RERE: variants seen among roughly 807,000 people sequenced by gnomAD.
RERE encodes the protein arginine-glutamic acid dipeptide repeats protein.
RERE carries 40 observed loss-of-function variants against 146.1 expected under a neutral mutation model. The observed-to-expected ratio is 0.27, with a 90% CI of 0.21 to 0.36. The LOEUF is 0.36. Among genes scored for constraint, RERE ranks in the 10% least tolerant of loss-of-function variants. The probability of loss-of-function intolerance (pLI) is 1.00; values close to 1 mark genes in which losing one functional copy is unlikely to be tolerated. For synonymous variants in RERE, 1,003 were observed against 866.0 expected (o/e 1.16, Z -2.78); for missense variants, 1,933 against 2,138.7 (o/e 0.90, Z 1.90).
intron 1 of RERE, among the ~76,000 whole-genome samples, chr1:8,717,054 G>A (rs1043029173): frequency 1.3e-5 from 2 of 152,146 alleles, no homozygotes; most frequent in African/African-American, 4.8e-5. Context: ...ATTTTAGTAT[G>A]TATAAATGAG....
At chr1:8,578,337 C>T (rs909976736) in intron 4 of RERE, among the ~76,000 whole-genome samples, 1 of 152,092 alleles carries the variant, frequency 6.6e-6, no homozygotes, top group African/African-American at 2.4e-5. Flanking sequence ...TCTATTGCTG[C>T]ACTGCACACT....
At chr1:8,377,277 T>G (rs1325406932) in intron 12 of RERE, among the ~76,000 whole-genome samples, 1 of 151,990 alleles carries the variant, frequency 6.6e-6, no homozygotes, top group Admixed American at 6.5e-5. Context: ...AAGGGCCCCC[T>G]TGGAGGCTTG....
rs369591162 is a variant in RERE at position 8,585,963 on chromosome 1, A to G, written c.523-28440T>C. ...AAAATCAGACATTATACACTTCCTG[A>G]TAAAAATATCCTACACCACCTGTAA... On this transcript the variant is annotated intron_variant, in intron 4 of 22. Transcript: ENST00000400908. Among the ~76,000 whole-genome samples the G allele has an allele frequency of 8.5e-5, 13 of 152,354 alleles. No homozygotes were observed. The South Asian group carries it at 2.5e-3, about 29-fold the overall frequency.
At chr1:8,777,334 T>C (rs1395992014) in intron 1 of RERE, among the ~76,000 whole-genome samples, 6 of 152,020 alleles carry the variant, frequency 3.9e-5, no homozygotes, top group Non-Finnish European at 8.8e-5. Context: ...TTTATACCAA[T>C]TAAAATTTAA....
At chr1:8,604,998 G>A (rs1464913424) in intron 4 of RERE, among the ~76,000 whole-genome samples, 1 of 152,180 alleles carries the variant, frequency 6.6e-6, no homozygotes, top group Non-Finnish European at 1.5e-5. Flanking sequence ...ATAATTTTTT[G>A]TAATCCTAAT....
chr1:8,686,738 G>A (rs1216547672), intron 1 of RERE, among the ~76,000 whole-genome samples: 2 of 151,902 alleles, frequency 1.3e-5, no homozygotes, highest in Admixed American at 6.6e-5. Context: ...CGACAAGAGC[G>A]AAACTCAGTC....
intron 1 of RERE, among the ~76,000 whole-genome samples, chr1:8,671,584 T>G (rs1039906247): frequency 6.6e-6 from 1 of 152,156 alleles, no homozygotes; most frequent in African/African-American, 2.4e-5. Context: ...GGAAAAACTA[T>G]TTGAAAGATT....
chr1:8,797,348 A>G (rs1018862328), intron 1 of RERE, among the ~76,000 whole-genome samples: 2 of 149,966 alleles, frequency 1.3e-5, no homozygotes. Flanking sequence ...ACTGCACACC[A>G]GCCTAGGTGA....
At chr1:8,786,319 A>C (rs1641258129) in intron 1 of RERE, 2 of 884,770 alleles carry the variant, frequency 2.3e-6, no homozygotes, top group African/African-American at 1.6e-5. Context: ...GAAGGGCCAC[A>C]GGAAGTTATT....
In RERE at chr1:8,361,327, G is replaced by C; in HGVS notation, c.2180C>G (p.Ser727Trp). The C allele has an allele frequency of 6.2e-7, 1 of 1,612,800 alleles. No individual in the cohort carries two copies. Among genetic ancestry groups the C allele is most frequent in the Non-Finnish European group, 8.5e-7 (1 of 1,179,264 alleles). ...SPQDNESDSDSSAQQQMLQAQ... is the reference protein window; with the variant it reads ...SPQDNESDSDWSAQQQMLQAQ... The stretch of plus-strand genomic sequence containing the variant: ...CTGCAGCATCTGCTGCTGGGCTGAC[G>C]AGTCCGAGTCACTCTCATTGTCCTG... Residue 727 changes from serine (S) to tryptophan (W), a missense_variant, in exon 18 of 23, where the codon TCG (serine) becomes TGG (tryptophan). Coordinates refer to ENST00000400908, the MANE Select transcript of RERE (RefSeq NM_001042681.2).
rs759177409 is a variant in RERE at position 8,497,382 on chromosome 1, G to A, written c.1004+23C>T. ...TTCAGATGGTCTAATTCAGAAAGCA[G>A]GATGGGGGTAGATTCCTATTACCTT... On this transcript the variant is annotated intron_variant, in intron 9 of 22. Transcript: ENST00000400908. The A allele has an allele frequency of 5.6e-6, 9 of 1,613,818 alleles. No homozygotes were observed. The Admixed American group carries it at 6.7e-5, about 12-fold the overall frequency.
At chr1:8,503,537 A>C (rs1372676826) in intron 8 of RERE, among the ~76,000 whole-genome samples, 1 of 152,238 alleles carries the variant, frequency 6.6e-6, no homozygotes, top group Non-Finnish European at 1.5e-5. Context: ...AGTTCTATGA[A>C]ATAGTATTAT....
chr1:8,492,094 C>T (rs550215334), intron 10 of RERE, among the ~76,000 whole-genome samples: 45 of 152,152 alleles, frequency 3.0e-4, no homozygotes, highest in Non-Finnish European at 3.8e-4. Flanking sequence ...CAGCACATAA[C>T]TTTTCAATTC....
rs764442716 is a variant in RERE, at chr1:8,356,614, G to A, written c.4340-368C>T. On this transcript the variant is annotated intron_variant, in intron 20 of 22. Coordinates refer to ENST00000400908, the MANE Select transcript of RERE (RefSeq NM_001042681.2). The surrounding 1 kb of genome is among the most constrained non-coding windows in gnomAD (Gnocchi z 5.2). ...AGGTCACAGGAACACACAGCCTTGC[G>A]CCAGTGGGTGTTGGGCTGGCACCCC... Among the ~76,000 whole-genome samples the A allele has an allele frequency of 1.3e-5, 2 of 152,060 alleles. No homozygotes were observed. Among genetic ancestry groups the A allele is most frequent in the Non-Finnish European group, 2.9e-5 (2 of 67,998 alleles).
rs1182734217 is a variant in RERE, at chr1:8,423,251, G to A, written c.1204-444C>T. The stretch of plus-strand genomic sequence containing the variant: ...GACTCTTCTCCAGAAGGGAACCCTA[G>A]GGGGTTAAAAGGCCGCTTTCCTTAA... On this transcript the variant is annotated intron_variant, in intron 11 of 22. Coordinates refer to ENST00000400908, the MANE Select transcript of RERE (RefSeq NM_001042681.2). This position sits in a 1 kb window ranked among gnomAD's most constrained non-coding sequence, Gnocchi z 5.4. The A allele has an allele frequency of 6.4e-6, 1 of 155,242 alleles. No individual in the cohort carries two copies. The highest frequency in any genetic ancestry group is 2.4e-5 in the African/African-American group (1 of 41,436). 9.6% of individuals were successfully genotyped at this position (155,242 alleles called of 1,614,324 possible).
At chr1:8,574,263 T>G (rs1646260365) in intron 4 of RERE, among the ~76,000 whole-genome samples, 5 of 152,004 alleles carry the variant, frequency 3.3e-5, no homozygotes, top group African/African-American at 1.2e-4. Context: ...CCTAGCTTAG[T>G]AGCACTATGG....
chr1:8,553,843 G>T (rs1645970481), intron 6 of RERE, among the ~76,000 whole-genome samples: 2 of 152,142 alleles, frequency 1.3e-5, no homozygotes. Context: ...ATGGAAATCA[G>T]ATGGAATTAT....
In RERE at chr1:8,512,049, C is replaced by T. The variant is rs1429157276; in HGVS notation, c.831-3374G>A. ...TTTTTTTTTTTTTTTTTTTTTGAGA[C>T]GGAGTCTCGCTCTGTCGCCCAGGCC... On this transcript the variant is annotated intron_variant, in intron 7 of 22. Coordinates refer to ENST00000400908, the MANE Select transcript of RERE (RefSeq NM_001042681.2). 4.2e-4 allele frequency: 12 copies of T among 28,346 alleles called. No homozygotes were observed. The Admixed American group carries it at 5.0e-3, about 12-fold the overall frequency. The allele number at this position is 28,346 out of a possible 1,614,324, so 1.8% of individuals were successfully genotyped here. A position where few individuals can be genotyped will look rare whatever the true frequency, so the allele number is the denominator to read the frequency against.
intron 2 of RERE, among the ~76,000 whole-genome samples, chr1:8,646,382 A>G (rs2124302515): frequency 6.6e-6 from 1 of 152,240 alleles, no homozygotes; most frequent in Non-Finnish European, 1.5e-5. Flanking sequence ...AAAATTAGAA[A>G]CTAGCTGGGC....
Sources: allele counts gnomAD v4.1 joint callset (sites outside exome capture counted in the v4.1 genomes callset), GRCh38; gene constraint gnomAD v4.1.1; non-coding constraint Gnocchi (gnomAD v3.1); transcripts MANE v1.5; gene names NCBI Gene and HGNC (gene_info 2026-07-23, HGNC 2026-07-21).